The following CCNB3 variants were observed in gnomAD, a reference collection of about 807,000 sequenced individuals.
The protein encoded by CCNB3 is G2/mitotic-specific cyclin-B3.
In CCNB3, 12 loss-of-function variants were observed where a neutral mutation model predicts 68.0. The observed-to-expected ratio is 0.18, with a 90% CI of 0.11 to 0.29. CCNB3 has a LOEUF of 0.29. CCNB3 is among the 10% of genes least tolerant of loss of function. The probability of loss-of-function intolerance (pLI) is 1.00; values close to 1 mark genes in which losing one functional copy is unlikely to be tolerated. For missense variants in CCNB3, 904 were observed against 993.1 expected, an observed-to-expected ratio of 0.91 and a Z score of 1.21; for synonymous variants, 354 against 388.9, an observed-to-expected ratio of 0.91 and a Z score of 1.06.
At chrX:50,288,667 A>G in intron 3 of CCNB3, 113 bp from the exon 4 acceptor site, 1 of 468,337 alleles carries the variant, frequency 2.1e-6, no homozygotes, top group East Asian at 3.7e-5. Flanking sequence ...TATTATATGC[A>G]TCCTCAGTTA....
intron 1 of CCNB3, among the ~76,000 whole-genome samples, chrX:50,208,278 C>T (rs1557205837): frequency 8.9e-6 from 1 of 111,964 alleles, no homozygotes; most frequent in Non-Finnish European, 1.9e-5. Context: ...CTCCCCAAAT[C>T]CAAGTTTCCA....
At chrX:50,324,122 G>A (rs1922177851) in intron 8 of CCNB3, among the ~76,000 whole-genome samples, 1 of 112,365 alleles carries the variant, frequency 8.9e-6, no homozygotes, top group Admixed American at 9.4e-5. Flanking sequence ...TCGGCTCACC[G>A]CAATCTCTGC....
At chrX:50,279,504 A>AATATATATTCAT (rs1343491263) in intron 1 of CCNB3, among the ~76,000 whole-genome samples, 4 of 83,857 alleles carry the variant, frequency 4.8e-5, no homozygotes, top group Non-Finnish European at 8.7e-5. Flanking sequence ...AATATATATG[A>AATATATATTCAT]ATGTATTTAT....
intron 8 of CCNB3, among the ~76,000 whole-genome samples, chrX:50,339,300 G>C (rs1326038449): frequency 8.9e-6 from 1 of 112,015 alleles, no homozygotes; most frequent in African/African-American, 3.2e-5. Flanking sequence ...ACTCGAAGTG[G>C]GGAGGGGGCT....
intron 8 of CCNB3, among the ~76,000 whole-genome samples, chrX:50,318,281 A>T (rs1379565629): frequency 3.7e-5 from 4 of 109,316 alleles, no homozygotes; most frequent in Admixed American, 9.8e-5. Context: ...TGGGAGGCTG[A>T]GGTGGGTGGA....
chrX:50,301,978 T>C (rs1297602236), intron 5 of CCNB3, among the ~76,000 whole-genome samples: 1 of 112,826 alleles, frequency 8.9e-6, no homozygotes, highest in Admixed American at 9.3e-5. Flanking sequence ...TTAAGCCTGT[T>C]GGAAAAGCGC....
intron 11 of CCNB3, among the ~76,000 whole-genome samples, chrX:50,349,303 A>T (rs1405791823): frequency 2.7e-5 from 3 of 112,278 alleles, no homozygotes; most frequent in Non-Finnish European, 5.6e-5. Context: ...AGAGGTGCTA[A>T]TGATGTTAAT....
At chrX:50,224,535 G>A (rs1345559431) in intron 1 of CCNB3, among the ~76,000 whole-genome samples, 2 of 111,858 alleles carry the variant, frequency 1.8e-5, no homozygotes, top group African/African-American at 6.5e-5. Flanking sequence ...AGTTTTTGTT[G>A]TTGTTGATGT....
intron 1 of CCNB3, among the ~76,000 whole-genome samples, chrX:50,225,934 T>A (rs1411485171): frequency 2.0e-5 from 2 of 97,799 alleles, no homozygotes; most frequent in African/African-American, 3.7e-5. Context: ...TATATCTGGA[T>A]GAGATAACCT....
chrX:50,216,799 GT>G (rs1247805354), intron 1 of CCNB3, among the ~76,000 whole-genome samples: 1 of 110,148 alleles, frequency 9.1e-6, no homozygotes, highest in Non-Finnish European at 1.9e-5. Flanking sequence ...ATCTATAGTG[GT>G]TTTGAGTGTC....
intron 8 of CCNB3, 116 bp downstream of exon 8, chrX:50,314,064 C>A: frequency 2.0e-6 from 1 of 491,169 alleles, no homozygotes; most frequent in Non-Finnish European, 3.5e-6. Flanking sequence ...AGCTGTGGTT[C>A]CTGCCCTCAA....
intron 9 of CCNB3, among the ~76,000 whole-genome samples, chrX:50,345,481 C>T (rs1557220173): frequency 9.1e-6 from 1 of 110,018 alleles, no homozygotes; most frequent in African/African-American, 3.3e-5. Flanking sequence ...TCTCTCCCTC[C>T]CTCACCTGCT....
rs1354085176 is a variant in CCNB3, at chrX:50,297,151, A to G, written c.335+2158A>G. On this transcript the variant is annotated intron_variant, in intron 5 of 12. Coordinates refer to ENST00000376042, the MANE Select transcript of CCNB3 (RefSeq NM_033031.3). Reference sequence around the variant, plus strand: ...TAGTTTAATTAGATCCCATTTGTCAATTTTGGCTTCTGTTGCCATTGCTTT... The same window carrying G: ...TAGTTTAATTAGATCCCATTTGTCAGTTTTGGCTTCTGTTGCCATTGCTTT... Among the ~76,000 whole-genome samples, 34 of 111,446 alleles carry G rather than the reference A, an allele frequency of 3.1e-4. 1 individual carries two copies. In the Middle Eastern group the frequency reaches 0.014, roughly 46 times the overall value.
intron 1 of CCNB3, among the ~76,000 whole-genome samples, chrX:50,209,730 GATAT>G (rs1935452664): frequency 8.9e-6 from 1 of 112,141 alleles, no homozygotes; most frequent in Non-Finnish European, 1.9e-5. Flanking sequence ...TGTCATTTCT[GATAT>G]TGCTAATTTG....
chrX:50,326,176 A>G (rs1436660874), intron 8 of CCNB3, among the ~76,000 whole-genome samples: 1 of 111,514 alleles, frequency 9.0e-6, no homozygotes, highest in Non-Finnish European at 1.9e-5. Context: ...CTTTTGATAG[A>G]CCTGGTCTGT....
At chrX:50,219,490 G>T (rs1168488987) in intron 1 of CCNB3, among the ~76,000 whole-genome samples, 7 of 111,348 alleles carry the variant, frequency 6.3e-5, no homozygotes, top group African/African-American at 2.0e-4. Flanking sequence ...TCTGCATATG[G>T]CTAGCCAGCT....
intron 1 of CCNB3, among the ~76,000 whole-genome samples, chrX:50,215,511 T>G (rs1053277386): frequency 6.3e-5 from 7 of 110,313 alleles, no homozygotes. Flanking sequence ...TAGATTCTGT[T>G]TGTTGCTGTT....
At chrX:50,299,804 A>G (rs1936581624) in intron 5 of CCNB3, among the ~76,000 whole-genome samples, 1 of 111,552 alleles carries the variant, frequency 9.0e-6, no homozygotes, top group Non-Finnish European at 1.9e-5. Context: ...TTGCTTTATG[A>G]ATCTGAGTCC....
At chrX:50,279,293 T>C (rs1936028552) in intron 1 of CCNB3, among the ~76,000 whole-genome samples, 2 of 71,938 alleles carry the variant, frequency 2.8e-5, no homozygotes, top group Non-Finnish European at 4.7e-5. Context: ...CATATATAAA[T>C]ATATATGAAT....
Sources: allele counts gnomAD v4.1 joint callset (sites outside exome capture counted in the v4.1 genomes callset), GRCh38; gene constraint gnomAD v4.1.1; transcripts MANE v1.5; gene names NCBI Gene and HGNC (gene_info 2026-07-23, HGNC 2026-07-21).